The following KCNT2 variants were observed in gnomAD, a reference collection of about 807,000 sequenced individuals.
KCNT2 encodes the protein potassium sodium-activated channel subfamily T member 2.
KCNT2 carries 67 observed loss-of-function variants against 153.8 expected under a neutral mutation model. The observed-to-expected ratio is 0.44, with a 90% confidence interval of 0.36 to 0.53. KCNT2 has a LOEUF of 0.53. Ranked by LOEUF, KCNT2 falls within the 20% of genes least tolerant of loss-of-function variation. The pLI, the probability that KCNT2 is intolerant of heterozygous loss-of-function variation, is 0.00. For synonymous variants in KCNT2, 500 were observed against 458.8 expected (o/e 1.09, Z -1.15); for missense variants, 975 against 1,354.8 (o/e 0.72, Z 4.40).
chr1:196,307,714 T>C (rs565116260), intron 21 of KCNT2, among the ~76,000 whole-genome samples: 1 of 152,220 alleles, frequency 6.6e-6, no homozygotes, highest in African/African-American at 2.4e-5. Flanking sequence ...CACATGATTT[T>C]CTTTTAGCAG....
At chr1:196,507,457 A>C (rs1168073321) in intron 1 of KCNT2, among the ~76,000 whole-genome samples, 1 of 152,198 alleles carries the variant, frequency 6.6e-6, no homozygotes, top group Non-Finnish European at 1.5e-5. Context: ...CCTAATTTAA[A>C]AAGATAATTT....
intron 1 of KCNT2, among the ~76,000 whole-genome samples, chr1:196,541,336 G>A (rs1218520183): frequency 1.3e-5 from 2 of 151,806 alleles, no homozygotes; most frequent in South Asian, 4.2e-4. Flanking sequence ...ACAGAGTGAG[G>A]TCAGGAAATC....
chr1:196,379,674 C>G (rs139444944), intron 13 of KCNT2, among the ~76,000 whole-genome samples: 1 of 151,496 alleles, frequency 6.6e-6, no homozygotes, highest in Admixed American at 6.6e-5. Flanking sequence ...GTATTTTCTT[C>G]TCATCCATTT....
intron 21 of KCNT2, among the ~76,000 whole-genome samples, chr1:196,307,210 A>T (rs936302543): frequency 6.6e-6 from 1 of 152,112 alleles, no homozygotes; most frequent in African/African-American, 2.4e-5. Context: ...GTGGCTACAT[A>T]CAAAAGGTAC....
intron 22 of KCNT2, among the ~76,000 whole-genome samples, chr1:196,298,573 G>C (rs932497259): frequency 6.6e-6 from 1 of 151,956 alleles, no homozygotes; most frequent in Non-Finnish European, 1.5e-5. Context: ...CGCCAACCGG[G>C]AAGCAATCCA....
chr1:196,353,511 G>A (rs1271073037), intron 14 of KCNT2, among the ~76,000 whole-genome samples: 4 of 151,762 alleles, frequency 2.6e-5, no homozygotes, highest in South Asian at 2.1e-4. Context: ...AAAACAAACC[G>A]CAAAAAAGCT....
intron 2 of KCNT2, 125 bp downstream of exon 2, chr1:196,492,137 A>G: frequency 1.0e-6 from 1 of 955,648 alleles, no homozygotes; most frequent in Middle Eastern, 2.8e-4. Flanking sequence ...TTCCTCTACC[A>G]CCTGCTGGAA....
intron 19 of KCNT2, among the ~76,000 whole-genome samples, chr1:196,325,766 T>A (rs1044367265): frequency 1.3e-5 from 2 of 152,134 alleles, no homozygotes; most frequent in Non-Finnish European, 2.9e-5. Flanking sequence ...ACAAGTGTGA[T>A]AAATTTTTGG....
At chr1:196,505,583 A>G (rs1168420551) in intron 1 of KCNT2, among the ~76,000 whole-genome samples, 3 of 152,226 alleles carry the variant, frequency 2.0e-5, no homozygotes, top group East Asian at 3.9e-4. Flanking sequence ...TTTTGGTACC[A>G]TATGAATTTT....
chr1:196,409,513 A>G (rs1477746456), intron 12 of KCNT2, among the ~76,000 whole-genome samples: 1 of 151,594 alleles, frequency 6.6e-6, no homozygotes, highest in Non-Finnish European at 1.5e-5. Flanking sequence ...AACAGTAAAT[A>G]ATATTTTTAA....
chr1:196,235,997 C>A lies in KCNT2; in HGVS notation c.3285G>T (p.Leu1095=). The A allele has an allele frequency of 6.3e-7, 1 of 1,588,498 alleles. No individual in the cohort carries two copies. The highest frequency in any genetic ancestry group is 8.6e-7 in the Non-Finnish European group (1 of 1,158,320). The part of the protein sequence containing the change: ...INPSPDTRIE[L]NDVVYLIRPD... ...TGAGATCAACTTACACAACATCATT[C>A]AGCTCTATTCTGGTATCTGGAGATG... Residue 1095 remains leucine, a synonymous_variant, in exon 27 of 28, where the codon CTG becomes CTT. Coordinates refer to ENST00000294725, the MANE Select transcript of KCNT2 (RefSeq NM_198503.5).
At chr1:196,438,462 A>C (rs1399067182) in intron 8 of KCNT2, among the ~76,000 whole-genome samples, 1 of 151,856 alleles carries the variant, frequency 6.6e-6, no homozygotes, top group Non-Finnish European at 1.5e-5. Context: ...GGAAGTGGAA[A>C]TATGGGCGAT....
chr1:196,233,549 A>G (rs550944491), intron 27 of KCNT2, among the ~76,000 whole-genome samples: 1 of 151,586 alleles, frequency 6.6e-6, no homozygotes, highest in East Asian at 1.9e-4. Context: ...AAGATAAAAA[A>G]TATTTTTTCT....
chr1:196,416,647 C>A (rs575465350), intron 12 of KCNT2, among the ~76,000 whole-genome samples: 2 of 151,962 alleles, frequency 1.3e-5, no homozygotes, highest in South Asian at 4.1e-4. Context: ...ACTTGGCATG[C>A]CTTATTTCTT....
Position 196,311,448 on chromosome 1 carries a change from T to C in KCNT2, c.2483+4444A>G, listed in dbSNP as rs148544694. Reference sequence around the variant, plus strand: ...TCCATTCCAACCAGATAACAATCCATGACCTGTTTCAATGTTTCCATTGAC... The same window carrying C: ...TCCATTCCAACCAGATAACAATCCACGACCTGTTTCAATGTTTCCATTGAC... On this transcript the variant is annotated intron_variant, in intron 21 of 27. Coordinates refer to ENST00000294725, the MANE Select transcript of KCNT2 (RefSeq NM_198503.5). Among the ~76,000 whole-genome samples, 334 of 152,026 alleles carry C rather than the reference T, an allele frequency of 2.2e-3. 1 individual carries two copies. Among genetic ancestry groups the C allele is most frequent in the African/African-American group, 7.2e-3 (300 of 41,544 alleles).
chr1:196,296,057 C>A (rs1013839990), intron 22 of KCNT2, among the ~76,000 whole-genome samples: 3 of 152,034 alleles, frequency 2.0e-5, no homozygotes, highest in Admixed American at 2.0e-4. Flanking sequence ...CAGTTATAAT[C>A]ACATGAGCAT....
At chr1:196,483,337 T>C (rs183742797) in intron 3 of KCNT2, among the ~76,000 whole-genome samples, 48 of 152,292 alleles carry the variant, frequency 3.2e-4, no homozygotes, top group South Asian at 6.2e-4. Context: ...ATCACCTTAT[T>C]CTAAGCCACC....
intron 25 of KCNT2, among the ~76,000 whole-genome samples, chr1:196,260,824 A>G (rs1215932610): frequency 2.0e-5 from 3 of 151,906 alleles, no homozygotes; most frequent in African/African-American, 7.2e-5. Flanking sequence ...CCTATAAAAA[A>G]GTGAGGATAA....
At chr1:196,341,288 A>C (rs1383949672) in intron 15 of KCNT2, among the ~76,000 whole-genome samples, 1 of 152,072 alleles carries the variant, frequency 6.6e-6, no homozygotes, top group Admixed American at 6.6e-5. Context: ...AGCCTGTTTT[A>C]TAATAAAGTG....
Sources: gnomAD v4.1 joint callset for allele counts (sites outside exome capture counted in the v4.1 genomes callset) on GRCh38, gnomAD v4.1.1 for gene constraint, MANE v1.5 for transcripts, NCBI Gene and HGNC (gene_info 2026-07-23, HGNC 2026-07-21) for gene names.